ADNP: variants seen among roughly 807,000 people sequenced by gnomAD.
ADNP encodes the protein activity-dependent neuroprotector homeobox protein.
ADNP carries 4 observed loss-of-function variants against 84.9 expected under a neutral mutation model. The observed-to-expected ratio is 0.05, with a 90% CI of 0.02 to 0.11. ADNP has a LOEUF of 0.11. Ranked by LOEUF, ADNP falls within the 10% of genes least tolerant of loss-of-function variation. ADNP has a pLI of 1.00. For missense variants in ADNP, 1,132 were observed against 1,326.0 expected (o/e 0.85, Z 2.27); for synonymous variants, 554 against 468.1 (o/e 1.18, Z -2.37).
In ADNP at chr20:50,894,024, T is replaced by G. The variant is rs1200144647; in HGVS notation, c.690A>C (p.Pro230=). 3 of 1,614,114 alleles carry G rather than the reference T, an allele frequency of 1.9e-6. No individual in the cohort carries two copies. In the East Asian group the frequency reaches 6.7e-5, roughly 36 times the overall value. Reference sequence around the variant, plus strand: ...GCTGTACCAAAGCTTCATAGGACTTTGGCATGAAAAGGCATCGCTTGCAGT... The same window carrying G: ...GCTGTACCAAAGCTTCATAGGACTTGGGCATGAAAAGGCATCGCTTGCAGT... The part of the protein sequence containing the change: ...SIHCKRCLFM[P]KSYEALVQHV... The change falls in exon 6 of 6, where the codon CCA becomes CCC. Residue 230 remains proline, a synonymous_variant. Transcript: ENST00000621696.
Position 50,891,780 on chromosome 20 carries a change from G to A in ADNP, c.2934C>T (p.Ser978=). ...GASPSESGPG[S]QQVSDFEDNT... ...TGTCCTCAAAGTCTGACACTTGTTG[G>A]GATCCAGGCCCACTCTCAGATGGAG... Residue 978 remains serine, a synonymous_variant, in exon 6 of 6, where the codon TCC becomes TCT. Transcript: ENST00000621696. 1 of 1,614,060 alleles carries A rather than the reference G, an allele frequency of 6.2e-7. No homozygotes were observed. The highest frequency in any genetic ancestry group is 8.5e-7 in the Non-Finnish European group (1 of 1,180,004).
At chr20:50,901,267 C>T (rs1179132106) in intron 5 of ADNP, among the ~76,000 whole-genome samples, 2 of 143,240 alleles carry the variant, frequency 1.4e-5, no homozygotes, top group African/African-American at 5.2e-5. Context: ...ATGTGTCCCA[C>T]TGGAAAGCAT....
intron 2 of ADNP, among the ~76,000 whole-genome samples, chr20:50,923,975 A>G (rs1021917178): frequency 2.6e-5 from 4 of 152,174 alleles, no homozygotes; most frequent in Non-Finnish European, 5.9e-5. Flanking sequence ...AAATTCCACC[A>G]TATTTCCACT....
intron 5 of ADNP, among the ~76,000 whole-genome samples, chr20:50,900,600 G>A (rs1430349521): frequency 6.6e-6 from 1 of 152,148 alleles, no homozygotes; most frequent in Non-Finnish European, 1.5e-5. Context: ...ATTCTTATGG[G>A]ACCACTGTCG....
chr20:50,898,058 G>T (rs1345041013), intron 5 of ADNP, among the ~76,000 whole-genome samples: 1 of 152,174 alleles, frequency 6.6e-6, no homozygotes, highest in African/African-American at 2.4e-5. Context: ...GTCCTTAAAA[G>T]ACTTGAAGCC....
intron 1 of ADNP, 136 bp downstream of exon 1, chr20:50,930,690 T>C (rs1246787306): frequency 1.3e-5 from 2 of 151,924 alleles, no homozygotes; most frequent in Admixed American, 6.6e-5. Flanking sequence ...GGAGCGTGTG[T>C]GCGGCTGGAG....
At chr20:50,922,317 T>A (rs1984007315) in intron 2 of ADNP, among the ~76,000 whole-genome samples, 1 of 152,168 alleles carries the variant, frequency 6.6e-6, no homozygotes. Context: ...CTCTCCTTCT[T>A]CAGACTCCAA....
At chr20:50,906,494 AATG>A (rs1982488303) in intron 2 of ADNP, among the ~76,000 whole-genome samples, 1 of 152,216 alleles carries the variant, frequency 6.6e-6, no homozygotes, top group South Asian at 2.1e-4. Context: ...GCCAGCCATT[AATG>A]GTTTCCCTGC....
chr20:50,911,644 G>C (rs1983052373), intron 2 of ADNP, among the ~76,000 whole-genome samples: 1 of 152,068 alleles, frequency 6.6e-6, no homozygotes, highest in Non-Finnish European at 1.5e-5. Context: ...AGAATTAGTG[G>C]AGCTTGTCTA....
intron 2 of ADNP, among the ~76,000 whole-genome samples, chr20:50,909,245 T>C (rs2122883451): frequency 6.6e-6 from 1 of 150,810 alleles, no homozygotes; most frequent in East Asian, 2.0e-4. Context: ...ATGTCTGTAA[T>C]CCTACTACTA....
At chr20:50,920,472 CG>C (rs1983883975) in intron 2 of ADNP, among the ~76,000 whole-genome samples, 1 of 150,238 alleles carries the variant, frequency 6.7e-6, no homozygotes, top group Non-Finnish European at 1.5e-5. Context: ...CCCAGCTACT[CG>C]GGAGGCTGAG....
At chr20:50,906,005 G>T (rs1009271633) in intron 2 of ADNP, among the ~76,000 whole-genome samples, 1 of 152,182 alleles carries the variant, frequency 6.6e-6, no homozygotes, top group Non-Finnish European at 1.5e-5. Flanking sequence ...GAGGTCAAGA[G>T]ATCGAGACCA....
intron 2 of ADNP, among the ~76,000 whole-genome samples, chr20:50,908,480 T>C (rs1982709130): frequency 6.6e-6 from 1 of 152,136 alleles, no homozygotes; most frequent in African/African-American, 2.4e-5. Context: ...CCAGGGTTCA[T>C]TAATGTTATC....
At chr20:50,894,828 G>A (rs1000948933) in intron 5 of ADNP, among the ~76,000 whole-genome samples, 1 of 152,186 alleles carries the variant, frequency 6.6e-6, no homozygotes, top group African/African-American at 2.4e-5. Flanking sequence ...AAGCTGGGAG[G>A]TGGAGGTTGC....
chr20:50,915,167 T>G (rs748848145), intron 2 of ADNP, among the ~76,000 whole-genome samples: 20 of 152,308 alleles, frequency 1.3e-4, no homozygotes, highest in Non-Finnish European at 2.1e-4. Context: ...AAAACATCAT[T>G]CTTGTATTTG....
At chr20:50,894,897 A>T (rs1469936995) in intron 5 of ADNP, among the ~76,000 whole-genome samples, 1 of 152,180 alleles carries the variant, frequency 6.6e-6, no homozygotes, top group Non-Finnish European at 1.5e-5. Context: ...AACTGTCTCA[A>T]AAAAAAGCAC....
intron 1 of ADNP, among the ~76,000 whole-genome samples, chr20:50,930,052 G>A (rs1984571929): frequency 1.3e-5 from 2 of 151,978 alleles, no homozygotes; most frequent in East Asian, 3.9e-4. Flanking sequence ...GGGGGGAGGG[G>A]AAGGCAGGCA....
intron 2 of ADNP, among the ~76,000 whole-genome samples, chr20:50,920,154 G>A (rs1318468461): frequency 6.7e-6 from 1 of 149,704 alleles, no homozygotes; most frequent in Non-Finnish European, 1.5e-5. Context: ...GTGTGCGCCT[G>A]TAATCCCAGC....
intron 2 of ADNP, among the ~76,000 whole-genome samples, chr20:50,920,248 C>T (rs1369749459): frequency 2.8e-5 from 3 of 106,338 alleles, no homozygotes; most frequent in Non-Finnish European, 3.5e-5. Context: ...GGCAACAGAG[C>T]GAGATTCCAC....
Sources: gnomAD v4.1 joint callset for allele counts (sites outside exome capture counted in the v4.1 genomes callset) on GRCh38, gnomAD v4.1.1 for gene constraint, MANE v1.5 for transcripts, NCBI Gene and HGNC (gene_info 2026-07-23, HGNC 2026-07-21) for gene names.